The following MAGI3 variants were observed in gnomAD, a reference collection of about 807,000 sequenced individuals.
MAGI3 encodes the protein membrane-associated guanylate kinase, WW and PDZ domain-containing protein 3.
Under a neutral mutation model 121.8 loss-of-function variants are expected in MAGI3, and 43 were observed. The ratio of observed to expected loss-of-function variants is 0.35; its 90% confidence interval spans 0.28 to 0.46. The LOEUF is 0.46. Ranked by LOEUF, MAGI3 falls within the 20% of genes least tolerant of loss-of-function variation. The pLI, the probability that MAGI3 is intolerant of heterozygous loss-of-function variation, is 1.00. For synonymous variants in MAGI3, 553 were observed against 639.3 expected, an observed-to-expected ratio of 0.86 and a Z score of 2.04; for missense variants, 1,547 against 1,797.3, an observed-to-expected ratio of 0.86 and a Z score of 2.52.
chr1:113,538,685 C>T (rs1659117156), intron 1 of MAGI3, among the ~76,000 whole-genome samples: 1 of 152,086 alleles, frequency 6.6e-6, no homozygotes, highest in South Asian at 2.1e-4. Flanking sequence ...TGATATATGA[C>T]CTTTTAAGGG....
At chr1:113,532,237 C>A (rs1011970630) in intron 1 of MAGI3, among the ~76,000 whole-genome samples, 11 of 151,920 alleles carry the variant, frequency 7.2e-5, no homozygotes, top group African/African-American at 1.9e-4. Flanking sequence ...TTTATAGAGT[C>A]AAATATGAAT....
chr1:113,568,634 T>G (rs1172634857), intron 2 of MAGI3, among the ~76,000 whole-genome samples: 1 of 152,074 alleles, frequency 6.6e-6, no homozygotes, highest in Non-Finnish European at 1.5e-5. Context: ...AGCCTAGTAG[T>G]AAACACCCAA....
chr1:113,641,021 T>C (rs1652447610), intron 9 of MAGI3, among the ~76,000 whole-genome samples: 1 of 25,830 alleles, frequency 3.9e-5, no homozygotes, highest in Non-Finnish European at 9.2e-5. Context: ...ATATGATATA[T>C]AATATATATG....
At chr1:113,456,666 AG>A (rs1322687117) in intron 1 of MAGI3, among the ~76,000 whole-genome samples, 1 of 152,198 alleles carries the variant, frequency 6.6e-6, no homozygotes, top group Admixed American at 6.5e-5. Flanking sequence ...GCCACAAAAG[AG>A]TTTGATAAAA....
At chr1:113,612,545 A>G (rs1001182131) in intron 6 of MAGI3, among the ~76,000 whole-genome samples, 9 of 150,662 alleles carry the variant, frequency 6.0e-5, no homozygotes, top group African/African-American at 2.5e-5. Context: ...TTTAGTCTTG[A>G]TTTTTATTAC....
At chr1:113,539,525 T>A (rs1659172564) in intron 1 of MAGI3, among the ~76,000 whole-genome samples, 1 of 151,998 alleles carries the variant, frequency 6.6e-6, no homozygotes, top group Non-Finnish European at 1.5e-5. Flanking sequence ...GTGTGTCGCT[T>A]ACATTTTTTT....
At chr1:113,650,864 C>T in intron 13 of MAGI3, 150 bp from the exon 14 acceptor site, 1 of 670,320 alleles carries the variant, frequency 1.5e-6, no homozygotes, top group East Asian at 2.8e-5. Flanking sequence ...AGAATGGGCA[C>T]TTTCTCAGAT....
At chr1:113,474,367 G>T (rs553593098) in intron 1 of MAGI3, among the ~76,000 whole-genome samples, 1 of 152,230 alleles carries the variant, frequency 6.6e-6, no homozygotes, top group East Asian at 1.9e-4. Flanking sequence ...GTATTGCCTA[G>T]GTTTTCTTCT....
intron 1 of MAGI3, among the ~76,000 whole-genome samples, chr1:113,534,700 C>A (rs1277116828): frequency 1.3e-5 from 2 of 152,062 alleles, no homozygotes; most frequent in African/African-American, 4.8e-5. Flanking sequence ...TTTTTATATC[C>A]CCCATGCCTA....
intron 1 of MAGI3, among the ~76,000 whole-genome samples, chr1:113,533,439 G>A (rs1193376258): frequency 6.6e-6 from 1 of 152,154 alleles, no homozygotes; most frequent in African/African-American, 2.4e-5. Context: ...CCTTCAGGGT[G>A]GAGGGTGGGA....
chr1:113,541,121 A>G (rs886704847), intron 1 of MAGI3, among the ~76,000 whole-genome samples: 3 of 152,304 alleles, frequency 2.0e-5, no homozygotes, highest in East Asian at 3.9e-4. Context: ...GGAAGGGGAG[A>G]GAGAAAAGAA....
chr1:113,585,007 A>C (rs1015892934), intron 3 of MAGI3, among the ~76,000 whole-genome samples: 6 of 118,154 alleles, frequency 5.1e-5, no homozygotes, highest in African/African-American at 2.0e-4. Context: ...AGTCTCTGTC[A>C]CCCAGGCTGG....
intron 1 of MAGI3, among the ~76,000 whole-genome samples, chr1:113,516,958 C>T (rs986873734): frequency 6.6e-6 from 1 of 151,910 alleles, no homozygotes; most frequent in African/African-American, 2.4e-5. Flanking sequence ...AGACAAACTA[C>T]AATTGAAGGA....
At chr1:113,556,841 C>T (rs900233608) in intron 2 of MAGI3, among the ~76,000 whole-genome samples, 3 of 152,052 alleles carry the variant, frequency 2.0e-5, no homozygotes, top group African/African-American at 7.2e-5. Flanking sequence ...GTTGGAATTA[C>T]AGACGTGAGG....
intron 1 of MAGI3, among the ~76,000 whole-genome samples, chr1:113,416,132 C>T (rs1453326124): frequency 2.9e-5 from 4 of 139,352 alleles, no homozygotes; most frequent in African/African-American, 1.1e-4. Context: ...ATTAATGACA[C>T]ATATTAATTA....
chr1:113,533,092 G>C (rs11579386), intron 1 of MAGI3, among the ~76,000 whole-genome samples: 9,815 of 152,206 alleles, frequency 0.064, 355 homozygotes, highest in Non-Finnish European at 0.075. Flanking sequence ...TTTCATCACA[G>C]TAGCTAAATA....
At chr1:113,548,039 A>G (rs1229198928) in intron 1 of MAGI3, among the ~76,000 whole-genome samples, 4 of 152,212 alleles carry the variant, frequency 2.6e-5, no homozygotes, top group Non-Finnish European at 4.4e-5. Context: ...TGCATAGGTT[A>G]TGTTCATTTA....
chr1:113,636,972 C>T (rs965350349), intron 9 of MAGI3, among the ~76,000 whole-genome samples: 17 of 152,272 alleles, frequency 1.1e-4, no homozygotes, highest in Admixed American at 2.6e-4. Flanking sequence ...GATCCCTTTA[C>T]CATTATGTAA....
intron 2 of MAGI3, among the ~76,000 whole-genome samples, chr1:113,566,163 T>C (rs1660427637): frequency 6.6e-6 from 1 of 152,222 alleles, no homozygotes; most frequent in Non-Finnish European, 1.5e-5. Context: ...ACATCTACTT[T>C]GGAAAATAAT....
Sources: gnomAD v4.1 joint callset for allele counts (sites outside exome capture counted in the v4.1 genomes callset) on GRCh38, gnomAD v4.1.1 for gene constraint, MANE v1.5 for transcripts, NCBI Gene and HGNC (gene_info 2026-07-23, HGNC 2026-07-21) for gene names.